Variants in ATP6V1H observed in about 807,000 individuals in gnomAD.
ATP6V1H encodes the protein ATPase H+ transporting V1 subunit H, also known as V-type proton ATPase subunit H.
In ATP6V1H, 39 loss-of-function variants were observed where a neutral mutation model predicts 71.7. The ratio of observed to expected loss-of-function variants is 0.54; its 90% CI spans 0.42 to 0.71. The LOEUF is 0.71. ATP6V1H is among the 30% of genes least tolerant of loss of function. The pLI is 0.00. For missense variants in ATP6V1H, 509 were observed against 594.9 expected (o/e 0.86, Z 1.50); for synonymous variants, 192 against 199.3 (o/e 0.96, Z 0.31).
At position 53,827,683 on chromosome 8, in the gene ATP6V1H, T is replaced by G. The variant is rs187961587; in HGVS notation, c.306+1761A>C. ...TTGGTAAACTCATGTCAAGGGGGTA[T>G]GTTGTACAGATTATTTCATAATCCA... On this transcript the variant is annotated intron_variant, in intron 4 of 13. Transcript: ENST00000359530. Among the ~76,000 whole-genome samples the G allele has an allele frequency of 1.6e-3, 243 of 152,244 alleles. 2 individuals carry two copies. Among genetic ancestry groups the G allele is most frequent in the Admixed American group, 0.013 (192 of 15,292 alleles).
chr8:53,731,296 C>T (rs1331419659), intron 13 of ATP6V1H, among the ~76,000 whole-genome samples: 1 of 152,146 alleles, frequency 6.6e-6, no homozygotes, highest in Non-Finnish European at 1.5e-5. Flanking sequence ...AGGAAGGAGA[C>T]CACCTCTCTT....
chr8:53,776,180 C>A lies in ATP6V1H; in HGVS notation c.871-4013G>T, dbSNP rs538759998. 2.2e-3 allele frequency among the ~76,000 whole-genome samples: 338 copies of A among 152,306 alleles called. 2 individuals carry two copies. Among genetic ancestry groups the A allele is most frequent in the African/African-American group, 7.9e-3 (327 of 41,566 alleles). Reference sequence around the variant, plus strand: ...ATTGCCCAGGGCCAGCAGGGCCGGCCGGCTGCTCCGAGTTTGGGGCCCGCC... The same window carrying A: ...ATTGCCCAGGGCCAGCAGGGCCGGCAGGCTGCTCCGAGTTTGGGGCCCGCC... On this transcript the variant is annotated intron_variant, in intron 9 of 13. Coordinates refer to ENST00000359530, the MANE Select transcript of ATP6V1H (RefSeq NM_015941.4).
chr8:53,747,787 CTGCCTCAGCCTCCCAAAG>C (rs1807659896), intron 12 of ATP6V1H, among the ~76,000 whole-genome samples: 1 of 151,984 alleles, frequency 6.6e-6, no homozygotes, highest in African/African-American at 2.4e-5. Context: ...GTGATTCCCC[CTGCCTCAGCCTCCCAAAG>C]TGCTGGGATT....
Position 53,715,751 on chromosome 8 carries a change from T to C in ATP6V1H, c.*213A>G. 2.2e-6 allele frequency: 1 copy of C among 448,234 alleles called. No individual in the cohort carries two copies. Among genetic ancestry groups the C allele is most frequent in the Non-Finnish European group, 4.0e-6 (1 of 250,520 alleles). The allele number at this position is 448,234 out of a possible 1,614,324, so 27.8% of individuals were successfully genotyped here. ...AAATTGCAAGCAGTATATGTAACAG[T>C]AATATTTTCTTTAAATACAGAATCA... On this transcript the variant is annotated 3_prime_UTR_variant, in exon 14 of 14. Transcript: ENST00000359530.
At chr8:53,818,298 G>A (rs191394975) in intron 4 of ATP6V1H, among the ~76,000 whole-genome samples, 15 of 152,042 alleles carry the variant, frequency 9.9e-5, no homozygotes, top group Admixed American at 2.6e-4. Flanking sequence ...TAGGTTACTC[G>A]AGAACAGGTG....
At chr8:53,814,617 G>A in intron 6 of ATP6V1H, 45 bp downstream of exon 6, 1 of 1,028,816 alleles carries the variant, frequency 9.7e-7, no homozygotes, top group Non-Finnish European at 1.5e-6. Flanking sequence ...AAAGAACACG[G>A]ATGTTATATT....
At chr8:53,748,770 T>C (rs1008843057) in intron 12 of ATP6V1H, among the ~76,000 whole-genome samples, 10 of 152,246 alleles carry the variant, frequency 6.6e-5, no homozygotes, top group African/African-American at 2.2e-4. Flanking sequence ...TTCCTCTTTA[T>C]TCTTTTCTGT....
chr8:53,837,905 T>C (rs1811211089), intron 2 of ATP6V1H, among the ~76,000 whole-genome samples: 1 of 152,048 alleles, frequency 6.6e-6, no homozygotes, highest in African/African-American at 2.4e-5. Flanking sequence ...GAAGAATGTG[T>C]TGATGGGCTG....
chr8:53,819,547 C>CATACATAT (rs1810564943), intron 4 of ATP6V1H, among the ~76,000 whole-genome samples: 1 of 35,136 alleles, frequency 2.8e-5, no homozygotes, highest in African/African-American at 1.2e-4. Flanking sequence ...AAAAAAAAAG[C>CATACATAT]ATATATATAT....
At chr8:53,820,331 T>C (rs759481337) in intron 4 of ATP6V1H, among the ~76,000 whole-genome samples, 1 of 151,044 alleles carries the variant, frequency 6.6e-6, no homozygotes, top group Non-Finnish European at 1.5e-5. Context: ...CTTTAGGAGA[T>C]TGGGTGGCAA....
chr8:53,777,144 C>T (rs1808918885), intron 9 of ATP6V1H, among the ~76,000 whole-genome samples: 1 of 152,112 alleles, frequency 6.6e-6, no homozygotes. Context: ...TAAAAAGGTG[C>T]AAATGTATAC....
At chr8:53,795,579 T>C (rs1809699710) in intron 9 of ATP6V1H, 68 bp downstream of exon 9, 14 of 1,476,220 alleles carry the variant, frequency 9.5e-6, no homozygotes, top group Non-Finnish European at 1.3e-5. Context: ...TCCCGCCTGC[T>C]AAAAACTCAA....
chr8:53,819,823 TATATACACACACACA>T (rs2130490565), intron 4 of ATP6V1H, among the ~76,000 whole-genome samples: 1 of 147,460 alleles, frequency 6.8e-6, no homozygotes, highest in South Asian at 2.1e-4. Context: ...TGTGTGTATA[TATATACACACACACA>T]CACATACATA....
chr8:53,829,912 C>T (rs1810950141), intron 3 of ATP6V1H, among the ~76,000 whole-genome samples: 1 of 152,080 alleles, frequency 6.6e-6, no homozygotes, highest in Non-Finnish European at 1.5e-5. Flanking sequence ...AACAAGAGTA[C>T]CAGAGATTGG....
intron 13 of ATP6V1H, among the ~76,000 whole-genome samples, chr8:53,736,121 T>C (rs1457336247): frequency 6.6e-6 from 1 of 152,250 alleles, no homozygotes; most frequent in South Asian, 2.1e-4. Context: ...ACTATTGTTC[T>C]GTCACTGTAC....
chr8:53,836,512 C>G (rs1290189768), intron 2 of ATP6V1H, among the ~76,000 whole-genome samples: 1 of 152,202 alleles, frequency 6.6e-6, no homozygotes, highest in Non-Finnish European at 1.5e-5. Flanking sequence ...TGACCCACAG[C>G]TAATCAGGCC....
chr8:53,722,335 G>A (rs778674498), intron 13 of ATP6V1H, among the ~76,000 whole-genome samples: 7 of 152,148 alleles, frequency 4.6e-5, no homozygotes, highest in Non-Finnish European at 1.0e-4. Context: ...TTAAATGCTG[G>A]TTCCTGATCA....
chr8:53,812,415 T>A (rs1467544331), intron 6 of ATP6V1H, among the ~76,000 whole-genome samples: 1 of 152,250 alleles, frequency 6.6e-6, no homozygotes, highest in Non-Finnish European at 1.5e-5. Context: ...GACATTGAAA[T>A]ATTTACTTCC....
chr8:53,723,325 A>C (rs1806691021), intron 13 of ATP6V1H, among the ~76,000 whole-genome samples: 2 of 152,056 alleles, frequency 1.3e-5, no homozygotes, highest in East Asian at 3.9e-4. Flanking sequence ...CATATACTGA[A>C]TCTCTCCCAC....
Sources: gnomAD v4.1 joint callset for allele counts (sites outside exome capture counted in the v4.1 genomes callset) on GRCh38, gnomAD v4.1.1 for gene constraint, MANE v1.5 for transcripts, NCBI Gene and HGNC (gene_info 2026-07-23, HGNC 2026-07-21) for gene names.